ATP2C2: variants seen among roughly 807,000 people sequenced by gnomAD.
The protein encoded by ATP2C2 is calcium-transporting ATPase type 2C member 2.
Under a neutral mutation model 110.8 loss-of-function variants are expected in ATP2C2, and 171 were observed. That is an observed-to-expected ratio of 1.54 (90% CI 1.36 to 1.75). The LOEUF (loss-of-function observed/expected upper bound fraction) is 1.75, where lower values mean the gene tolerates loss of function less well. Ranked by LOEUF, ATP2C2 falls within the 40% of genes most tolerant of loss-of-function variation. ATP2C2 has a pLI of 0.00. For synonymous variants in ATP2C2, 804 were observed against 508.4 expected, an observed-to-expected ratio of 1.58 and a Z score of -7.82; for missense variants, 1,963 against 1,235.0, an observed-to-expected ratio of 1.59 and a Z score of -8.84.
intron 20 of ATP2C2, among the ~76,000 whole-genome samples, chr16:84,454,520 A>AG (rs1910606735): frequency 6.7e-6 from 1 of 149,516 alleles, no homozygotes; most frequent in Non-Finnish European, 1.5e-5. Context: ...CTGGGACTGG[A>AG]TAACCTTTAT....
At chr16:84,439,545 C>T in intron 13 of ATP2C2, 21 bp downstream of exon 13, 1 of 1,610,928 alleles carries the variant, frequency 6.2e-7, no homozygotes, top group Non-Finnish European at 8.5e-7. Flanking sequence ...AAGGAATTTA[C>T]AAGCCTTAAG....
At position 84,459,129 on chromosome 16, in the gene ATP2C2, G is replaced by T; in HGVS notation, c.2157G>T (p.Val719=). ...CTCTCTTCTCTTGCAGGAATGCAGT[G>T]GAGGAAGGCAAGGGTATTTTTTACA... The part of the protein sequence containing the change: ...DDDFSAIMNA[V]EEGKGIFYNI... The change falls in exon 22 of 27, where the codon GTG becomes GTT. Residue 719 remains valine, a synonymous_variant. Coordinates refer to ENST00000262429, the MANE Select transcript of ATP2C2 (RefSeq NM_014861.4). 6.2e-7 allele frequency: 1 copy of T among 1,614,122 alleles called. No homozygotes were observed. The highest frequency in any genetic ancestry group is 8.5e-7 in the Non-Finnish European group (1 of 1,180,012).
intron 24 of ATP2C2, 91 bp from the exon 25 acceptor site, chr16:84,461,623 C>T: frequency 1.7e-6 from 2 of 1,190,908 alleles, no homozygotes; most frequent in Non-Finnish European, 2.5e-6. Context: ...CAGCCATGCC[C>T]CAGGAGCAGT....
intron 2 of ATP2C2, among the ~76,000 whole-genome samples, chr16:84,399,928 C>A (rs1336369169): frequency 1.3e-5 from 2 of 152,332 alleles, no homozygotes; most frequent in South Asian, 2.1e-4. Flanking sequence ...CCTTTCCAGG[C>A]CCTGGTAACC....
intron 1 of ATP2C2, among the ~76,000 whole-genome samples, chr16:84,372,324 C>A (rs1357194665): frequency 1.3e-5 from 2 of 152,178 alleles, no homozygotes; most frequent in African/African-American, 4.8e-5. Flanking sequence ...AATTCTGAGG[C>A]TCATGCACAC....
intron 11 of ATP2C2, among the ~76,000 whole-genome samples, chr16:84,432,010 G>A (rs770858158): frequency 1.5e-4 from 23 of 152,142 alleles, no homozygotes; most frequent in East Asian, 1.2e-3. Flanking sequence ...GAGGTCTCCC[G>A]CCGAGCTGAA....
chr16:84,433,902 G>A (rs532752345), intron 11 of ATP2C2, among the ~76,000 whole-genome samples: 1 of 152,092 alleles, frequency 6.6e-6, no homozygotes, highest in African/African-American at 2.4e-5. Context: ...CTTGCAGCAC[G>A]GGCATCCCGC....
chr16:84,442,071 C>G (rs958554363), intron 14 of ATP2C2, among the ~76,000 whole-genome samples: 1 of 152,018 alleles, frequency 6.6e-6, no homozygotes, highest in African/African-American at 2.4e-5. Context: ...TTGCTTGTCT[C>G]TTTTTCATTT....
chr16:84,405,182 C>T lies in ATP2C2; in HGVS notation c.265C>T (p.His89Tyr), dbSNP rs1322870489. ...EFSVTQRRLA[H>Y]GWNEFVADNS... ...CTCGGTGACGCAGCGCCGGCTGGCC[C>T]ATGGCTGGAATGAGTTTGTTGCTGA... is the stretch of plus-strand genomic sequence containing the variant. Residue 89 changes from histidine to tyrosine, a missense_variant, in exon 3 of 27, where the codon CAT (histidine) becomes TAT (tyrosine). Physicochemically the swap from His to Tyr is moderately conservative, Grantham distance 83. Coordinates refer to ENST00000262429, the MANE Select transcript of ATP2C2 (RefSeq NM_014861.4). 1 of 1,613,952 alleles carries T rather than the reference C, an allele frequency of 6.2e-7. No individual in the cohort carries two copies. Among genetic ancestry groups the T allele is most frequent in the Admixed American group, 1.7e-5 (1 of 60,004 alleles).
chr16:84,452,313 G>A (rs1910360965), intron 18 of ATP2C2, among the ~76,000 whole-genome samples: 1 of 152,128 alleles, frequency 6.6e-6, no homozygotes, highest in African/African-American at 2.4e-5. Flanking sequence ...AAGTTCTCAT[G>A]GATACTGAGG....
intron 2 of ATP2C2, among the ~76,000 whole-genome samples, chr16:84,402,397 G>A (rs1382580577): frequency 6.6e-6 from 1 of 152,112 alleles, no homozygotes; most frequent in African/African-American, 2.4e-5. Context: ...TACGGGAAAA[G>A]CTTTCAGTTT....
In ATP2C2 at chr16:84,452,082, T is replaced by C; in HGVS notation, c.1822T>C (p.Leu608=). The change falls in exon 18 of 27, where the codon TTG becomes CTG. Residue 608 remains leucine, a synonymous_variant. Coordinates refer to ENST00000262429, the MANE Select transcript of ATP2C2 (RefSeq NM_014861.4). ...AACGGGGGATGCCCTGGAGACGGCC[T>C]TGGCCATAGGTAACTGGGACAGGGT... ...MITGDALETA[L]AIGRNIGLCN... The C allele has an allele frequency of 1.9e-6, 3 of 1,613,942 alleles. No homozygotes were observed. Among genetic ancestry groups the C allele is most frequent in the Non-Finnish European group, 2.5e-6 (3 of 1,179,984 alleles).
chr16:84,432,140 G>A (rs1001406112), intron 11 of ATP2C2, among the ~76,000 whole-genome samples: 1 of 152,068 alleles, frequency 6.6e-6, no homozygotes, highest in Non-Finnish European at 1.5e-5. Context: ...TAGGCTTTTC[G>A]GGAACAGGTG....
chr16:84,370,000 T>C (rs1909857620), intron 1 of ATP2C2, among the ~76,000 whole-genome samples: 1 of 152,252 alleles, frequency 6.6e-6, no homozygotes, highest in Admixed American at 6.5e-5. Context: ...TTATTTGCCA[T>C]CACAGGTTGC....
At chr16:84,432,293 G>C (rs959227684) in intron 11 of ATP2C2, among the ~76,000 whole-genome samples, 1 of 152,048 alleles carries the variant, frequency 6.6e-6, no homozygotes, top group African/African-American at 2.4e-5. Context: ...TTTTCTTTAA[G>C]TTCTAGGATA....
intron 21 of ATP2C2, 31 bp from the exon 22 acceptor site, chr16:84,459,089 T>TA (rs1910980962): frequency 6.2e-7 from 1 of 1,613,364 alleles, no homozygotes; most frequent in African/African-American, 1.3e-5. Context: ...GCAGGCCCGC[T>TA]CCGTGAGTAA....
intron 13 of ATP2C2, 33 bp from the exon 14 acceptor site, chr16:84,440,822 CTT>C (rs1567726660): frequency 6.4e-7 from 1 of 1,552,582 alleles, no homozygotes; most frequent in East Asian, 2.3e-5. Context: ...GTTTTTGACT[CTT>C]GGCGAAACCC....
chr16:84,431,214 A>G (rs247843), intron 11 of ATP2C2, among the ~76,000 whole-genome samples: 132,634 of 152,114 alleles, frequency 0.87, 57,925 homozygotes, highest in East Asian at 0.94. Flanking sequence ...GGAGGTAGAA[A>G]CCAGCTGGGC....
At chr16:84,443,421 G>C (rs149048832) in intron 15 of ATP2C2, among the ~76,000 whole-genome samples, 2 of 152,164 alleles carry the variant, frequency 1.3e-5, no homozygotes, top group East Asian at 1.9e-4. Flanking sequence ...TCTCTGACTC[G>C]GGTGTGATCA....
Sources: gnomAD v4.1 joint callset for allele counts (sites outside exome capture counted in the v4.1 genomes callset) on GRCh38, gnomAD v4.1.1 for gene constraint, MANE v1.5 for transcripts, NCBI Gene and HGNC (gene_info 2026-07-23, HGNC 2026-07-21) for gene names.